The following SIK2 variants were observed in gnomAD, a reference collection of about 807,000 sequenced individuals.
SIK2 encodes serine/threonine-protein kinase SIK2.
A neutral mutation model predicts 103.2 loss-of-function variants in SIK2; 29 were observed. The observed-to-expected ratio is 0.28, with a 90% CI of 0.21 to 0.38. SIK2 has a LOEUF of 0.38. Ranked by LOEUF, SIK2 falls within the 10% of genes least tolerant of loss-of-function variation. The pLI, the probability that SIK2 is intolerant of heterozygous loss-of-function variation, is 1.00. For missense variants in SIK2, 879 were observed against 1,171.0 expected, an observed-to-expected ratio of 0.75 and a Z score of 3.64; for synonymous variants, 412 against 446.1, an observed-to-expected ratio of 0.92 and a Z score of 0.96.
intron 1 of SIK2, among the ~76,000 whole-genome samples, chr11:111,614,412 T>C (rs1275495204): frequency 4.6e-5 from 7 of 152,144 alleles, no homozygotes; most frequent in Non-Finnish European, 2.9e-5. Context: ...ACTAATAGCC[T>C]ACTGTTCACT....
chr11:111,633,987 C>T (rs1324855057), intron 3 of SIK2, among the ~76,000 whole-genome samples: 8 of 152,098 alleles, frequency 5.3e-5, no homozygotes, highest in African/African-American at 1.2e-4. Context: ...TATATTCATC[C>T]ATGTGGTCAT....
At chr11:111,627,398 G>T (rs568741506) in intron 3 of SIK2, among the ~76,000 whole-genome samples, 1 of 152,128 alleles carries the variant, frequency 6.6e-6, no homozygotes, top group Admixed American at 6.5e-5. Context: ...TGTTATAATT[G>T]TTCTATTTTA....
At position 111,602,775 on chromosome 11, in the gene SIK2, A is replaced by AAGAGG; in HGVS notation, c.135+77_135+78insAGAGG. 1 of 1,418,344 alleles carries AAGAGG rather than the reference A, an allele frequency of 7.1e-7. No individual in the cohort carries two copies. Among genetic ancestry groups the AAGAGG allele is most frequent in the Non-Finnish European group, 9.2e-7 (1 of 1,088,308 alleles). The allele number at this position is 1,418,344 out of a possible 1,614,324, so 87.9% of individuals were successfully genotyped here. ...GCTGCTTACCGAGAGGGGCGGCCGC[A>AAGAGG]GTGGTGGGACCGGGGAGACCCGAGA... is the stretch of plus-strand genomic sequence containing the variant. On this transcript the variant is annotated intron_variant, in intron 1 of 14. Transcript: ENST00000304987. This position sits in a 1 kb window ranked among gnomAD's most constrained non-coding sequence, Gnocchi z 4.5.
In SIK2 at chr11:111,720,417, A is replaced by G; in HGVS notation, c.1496-61A>G. 4 of 1,483,206 alleles carry G rather than the reference A, an allele frequency of 2.7e-6. No homozygotes were observed. The South Asian group carries it at 4.0e-5, about 15-fold the overall frequency. 91.9% of individuals were successfully genotyped at this position (1,483,206 alleles called of 1,614,324 possible). Reference sequence around the variant, plus strand: ...AAAACTCAAGCTGGTTATGCTTTGTACCCTATGTTCCAAGGAGATGCTATT... The same window carrying G: ...AAAACTCAAGCTGGTTATGCTTTGTGCCCTATGTTCCAAGGAGATGCTATT... On this transcript the variant is annotated intron_variant, in intron 10 of 14. Coordinates refer to ENST00000304987, the MANE Select transcript of SIK2 (RefSeq NM_015191.3).
At chr11:111,658,090 TTTTATTTATTTATTTATTTATTTA>T (rs199738502) in intron 3 of SIK2, among the ~76,000 whole-genome samples, 28 of 135,588 alleles carry the variant, frequency 2.1e-4, no homozygotes, top group Non-Finnish European at 2.5e-4. Flanking sequence ...TTCATTTTTA[TTTTATTTATTTATTTATTTATTTA>T]TTTATTTATT....
chr11:111,636,316 G>T (rs1231298501), intron 3 of SIK2, among the ~76,000 whole-genome samples: 1 of 152,048 alleles, frequency 6.6e-6, no homozygotes, highest in Non-Finnish European at 1.5e-5. Context: ...AAATGCCTTT[G>T]TTTTACTCTC....
In SIK2 at chr11:111,620,441, A is replaced by T. The variant is rs1158908036; in HGVS notation, c.316+39A>T. On this transcript the variant is annotated intron_variant, in intron 3 of 14. Transcript: ENST00000304987. ...TTTAAATTTTCTATTAATTTGAAAAATTCACTAATCTGCATGAATGGGGTA... is the reference window on the plus strand; with the variant it reads ...TTTAAATTTTCTATTAATTTGAAAATTTCACTAATCTGCATGAATGGGGTA... The T allele has an allele frequency of 2.9e-6, 4 of 1,359,734 alleles. No individual in the cohort carries two copies. The Admixed American group carries it at 5.8e-5, about 20-fold the overall frequency. The allele number at this position is 1,359,734 out of a possible 1,614,324, so 84.2% of individuals were successfully genotyped here.
Position 111,701,837 on chromosome 11 carries a change from G to A in SIK2, c.727+262G>A, listed in dbSNP as rs1943219336. The stretch of plus-strand genomic sequence containing the variant: ...CATTCTGGGTCTATAAATGTCCCAG[G>A]TTTATTTTAGATTTAACGAAGCCCT... On this transcript the variant is annotated intron_variant, in intron 6 of 14. Coordinates refer to ENST00000304987, the MANE Select transcript of SIK2 (RefSeq NM_015191.3). This position sits in a 1 kb window ranked among gnomAD's most constrained non-coding sequence, Gnocchi z 4.2. Among the ~76,000 whole-genome samples the A allele has an allele frequency of 2.0e-5, 3 of 151,962 alleles. No homozygotes were observed. The South Asian group carries it at 6.2e-4, about 32-fold the overall frequency.
At position 111,726,229 on chromosome 11, in the gene SIK2, T is replaced by C. The variant is rs1943961187; in HGVS notation, c.*2100T>C. ...AGATTGAAAATGGGGGCCACTCATT[T>C]CAGAACTGCAGGAATGGTGTAGTTA... On this transcript the variant is annotated 3_prime_UTR_variant, in exon 15 of 15. Coordinates refer to ENST00000304987, the MANE Select transcript of SIK2 (RefSeq NM_015191.3). 6.6e-6 allele frequency: 1 copy of C among 152,208 alleles called. No homozygotes were observed. The highest frequency in any genetic ancestry group is 2.4e-5 in the African/African-American group (1 of 41,466). The allele number at this position is 152,208 out of a possible 1,614,324, so 9.4% of individuals were successfully genotyped here.
chr11:111,673,122 A>C lies in SIK2; in HGVS notation c.317-14879A>C, dbSNP rs180729958. Among the ~76,000 whole-genome samples the C allele has an allele frequency of 6.6e-3, 1,011 of 152,322 alleles. 8 individuals are homozygous for C. Among genetic ancestry groups the C allele is most frequent in the Middle Eastern group, 0.061 (18 of 294 alleles). On this transcript the variant is annotated intron_variant, in intron 3 of 14. Transcript: ENST00000304987. The stretch of plus-strand genomic sequence containing the variant: ...TGAATCTGCAAACCCAACTCTATGA[A>C]GTCATGTCTTTTTGCTGAATATGAA...
At position 111,727,838 on chromosome 11, in the gene SIK2, CG is replaced by C. The variant is rs1360734981; in HGVS notation, c.*3712del. 6.6e-6 allele frequency: 1 copy of C among 152,362 alleles called. No individual in the cohort carries two copies. Among genetic ancestry groups the C allele is most frequent in the African/African-American group, 2.4e-5 (1 of 41,574 alleles). 9.4% of individuals were successfully genotyped at this position (152,362 alleles called of 1,614,324 possible). A position where few individuals can be genotyped will look rare whatever the true frequency, so the allele number is the denominator to read the frequency against. ...GCACTAAGCAGCCTCTGGAGACATG[CG>C]GGCAGTTGAGGATGCAAGGACACAG... On this transcript the variant is annotated 3_prime_UTR_variant, in exon 15 of 15. Coordinates refer to ENST00000304987, the MANE Select transcript of SIK2 (RefSeq NM_015191.3).
intron 1 of SIK2, among the ~76,000 whole-genome samples, chr11:111,612,920 A>ATATATATATATATATATG (rs1941746939): frequency 2.8e-5 from 4 of 140,890 alleles, no homozygotes; most frequent in African/African-American, 1.1e-4. Flanking sequence ...AATGGGATAT[A>ATATATATATATATATATG]TATATATATA....
Position 111,722,849 on chromosome 11 carries a change from C to T in SIK2, c.2147+93C>T. On this transcript the variant is annotated intron_variant, in intron 14 of 14. Coordinates refer to ENST00000304987, the MANE Select transcript of SIK2 (RefSeq NM_015191.3). The surrounding 1 kb of genome is among the most constrained non-coding windows in gnomAD (Gnocchi z 4.4). ...TGTCCTTTTCCTCTCACATTCGCCA[C>T]TACTAGGAAAATAGGTTTTCTGCGT... is the stretch of plus-strand genomic sequence containing the variant. The T allele has an allele frequency of 8.5e-7, 1 of 1,181,138 alleles. No homozygotes were observed. The allele number at this position is 1,181,138 out of a possible 1,614,324, so 73.2% of individuals were successfully genotyped here. A position where few individuals can be genotyped will look rare whatever the true frequency, so the allele number is the denominator to read the frequency against.
chr11:111,622,247 CTTTTTTTTTTTTT>C (rs71057079), intron 3 of SIK2, among the ~76,000 whole-genome samples: 10 of 61,454 alleles, frequency 1.6e-4, no homozygotes. Context: ...ATTTTCTTTT[CTTTTTTTTTTTTT>C]TTTTTTTTTT....
intron 4 of SIK2, among the ~76,000 whole-genome samples, chr11:111,696,419 A>G (rs2135911338): frequency 6.6e-6 from 1 of 152,232 alleles, no homozygotes; most frequent in Middle Eastern, 3.4e-3. Flanking sequence ...TACTGTTGCA[A>G]CTCTTCTATA....
At chr11:111,684,974 T>C (rs1368142207) in intron 3 of SIK2, among the ~76,000 whole-genome samples, 1 of 152,216 alleles carries the variant, frequency 6.6e-6, no homozygotes, top group Non-Finnish European at 1.5e-5. Context: ...CTAAGAATTA[T>C]ACATGGGATG....
chr11:111,688,272 C>T lies in SIK2; in HGVS notation c.478+110C>T. The stretch of plus-strand genomic sequence containing the variant: ...CAGCAGCATTTCTACCTGATGACAT[C>T]AGGCTATCTCAAAGTCCATTTTATT... On this transcript the variant is annotated intron_variant, in intron 4 of 14. Coordinates refer to ENST00000304987, the MANE Select transcript of SIK2 (RefSeq NM_015191.3). This position sits in a 1 kb window ranked among gnomAD's most constrained non-coding sequence, Gnocchi z 4.2. 3.8e-6 allele frequency: 4 copies of T among 1,054,984 alleles called. No individual in the cohort carries two copies. Among genetic ancestry groups the T allele is most frequent in the Non-Finnish European group, 5.6e-6 (4 of 714,632 alleles). The allele number at this position is 1,054,984 out of a possible 1,614,324, so 65.4% of individuals were successfully genotyped here.
intron 3 of SIK2, chr11:111,672,345 GA>G: frequency 2.0e-6 from 1 of 510,148 alleles, no homozygotes; most frequent in Non-Finnish European, 3.2e-6. Context: ...AGCAGCTGCT[GA>G]AGGCCAAGGG....
chr11:111,691,211 T>C (rs1942934814), intron 4 of SIK2, among the ~76,000 whole-genome samples: 1 of 152,224 alleles, frequency 6.6e-6, no homozygotes, highest in African/African-American at 2.4e-5. Flanking sequence ...CTTTTTGGTT[T>C]TTATTTTTGC....
Sources: gnomAD v4.1 joint callset for allele counts (sites outside exome capture counted in the v4.1 genomes callset) on GRCh38, gnomAD v4.1.1 for gene constraint, Gnocchi (gnomAD v3.1) non-coding constraint, MANE v1.5 for transcripts, NCBI Gene and HGNC (gene_info 2026-07-23, HGNC 2026-07-21) for gene names.